Variants in ADK observed in about 807,000 individuals in gnomAD.
The protein encoded by ADK is adenosine kinase.
A neutral mutation model predicts 44.7 loss-of-function variants in ADK; 24 were observed. That is an observed-to-expected ratio of 0.54 (90% CI 0.39 to 0.76). The LOEUF is 0.76. Ranked by LOEUF, ADK falls within the 30% of genes least tolerant of loss-of-function variation. The pLI is 0.00. For missense variants in ADK, 321 were observed against 425.1 expected (o/e 0.76, Z 2.15); for synonymous variants, 128 against 142.6 (o/e 0.90, Z 0.73).
intron 7 of ADK, among the ~76,000 whole-genome samples, chr10:74,556,151 C>T (rs917827211): frequency 3.3e-5 from 5 of 152,088 alleles, no homozygotes; most frequent in Non-Finnish European, 4.4e-5. Flanking sequence ...ATTGCAGCTC[C>T]GGGGCAGCAA....
At chr10:74,303,142 A>G (rs1840116635) in intron 3 of ADK, among the ~76,000 whole-genome samples, 1 of 152,258 alleles carries the variant, frequency 6.6e-6, no homozygotes, top group Non-Finnish European at 1.5e-5. Context: ...TTCAGAAGAT[A>G]TGAAACACAA....
At chr10:74,184,634 C>T (rs1842682934) in intron 1 of ADK, among the ~76,000 whole-genome samples, 1 of 151,956 alleles carries the variant, frequency 6.6e-6, no homozygotes, top group Non-Finnish European at 1.5e-5. Flanking sequence ...GTGATCCTCC[C>T]GCCTCAGCCA....
At chr10:74,681,745 G>A (rs2134235214) in intron 10 of ADK, among the ~76,000 whole-genome samples, 1 of 151,652 alleles carries the variant, frequency 6.6e-6, no homozygotes, top group Admixed American at 6.6e-5. Context: ...AGCTACTTGA[G>A]AGGCTGAGGC....
At chr10:74,274,730 G>GTATATATATATATATATATATATATA (rs1200421234) in intron 3 of ADK, among the ~76,000 whole-genome samples, 3 of 40,558 alleles carry the variant, frequency 7.4e-5, no homozygotes, top group Admixed American at 4.7e-4. Context: ...ATTTTAATGT[G>GTATATATATATATATATATATATATA]TGTATATATA....
In ADK at chr10:74,233,920, G is replaced by A. The variant is rs142784761; in HGVS notation, c.194+9329G>A. Among the ~76,000 whole-genome samples the A allele has an allele frequency of 5.1e-3, 774 of 152,296 alleles. 9 individuals carry two copies. Among genetic ancestry groups the A allele is most frequent in the African/African-American group, 0.018 (745 of 41,572 alleles). ...TTCAGAGCACTTTAGTCAAAGTGTAGTTCATTGATCCTTAACTGCAATTTA... is the reference window on the plus strand; with the variant it reads ...TTCAGAGCACTTTAGTCAAAGTGTAATTCATTGATCCTTAACTGCAATTTA... On this transcript the variant is annotated intron_variant, in intron 3 of 10. Transcript: ENST00000539909.
intron 6 of ADK, among the ~76,000 whole-genome samples, chr10:74,524,789 T>G (rs947717859): frequency 9.2e-5 from 14 of 152,184 alleles, no homozygotes; most frequent in Admixed American, 1.3e-4. Context: ...TCCCAGCTAC[T>G]TGGAGGGCTG....
At chr10:74,661,639 T>G (rs1238810634) in intron 9 of ADK, among the ~76,000 whole-genome samples, 1 of 152,240 alleles carries the variant, frequency 6.6e-6, no homozygotes, top group Non-Finnish European at 1.5e-5. Context: ...TTACTTGATA[T>G]ATAAACTTTC....
At chr10:74,406,526 T>TAATAAG (rs1178601985) in intron 6 of ADK, among the ~76,000 whole-genome samples, 13 of 136,126 alleles carry the variant, frequency 9.5e-5, no homozygotes, top group Non-Finnish European at 1.7e-4. Context: ...ATAATAATAA[T>TAATAAG]AAGAAGAAGA....
At chr10:74,334,364 A>G (rs1841338031) in intron 4 of ADK, among the ~76,000 whole-genome samples, 1 of 152,200 alleles carries the variant, frequency 6.6e-6, no homozygotes, top group Non-Finnish European at 1.5e-5. Flanking sequence ...ACTGCTTGCT[A>G]TAAAATTGGT....
chr10:74,546,535 A>T (rs553992480), intron 7 of ADK, among the ~76,000 whole-genome samples: 1 of 152,196 alleles, frequency 6.6e-6, no homozygotes, highest in African/African-American at 2.4e-5. Context: ...TTATTTCTGT[A>T]TATAATAGGT....
intron 1 of ADK, among the ~76,000 whole-genome samples, chr10:74,186,224 TCCC>T (rs1229012949): frequency 2.4e-5 from 1 of 42,278 alleles, no homozygotes; most frequent in Non-Finnish European, 8.5e-5. Context: ...TCCTTTCCCT[TCCC>T]CTCCTTTCCC....
intron 8 of ADK, among the ~76,000 whole-genome samples, chr10:74,593,726 AT>A (rs982931660): frequency 2.0e-5 from 3 of 152,198 alleles, no homozygotes; most frequent in Admixed American, 6.5e-5. Flanking sequence ...AGATGACTCA[AT>A]GTGTGGAAAC....
chr10:74,376,775 G>A (rs1397941572), intron 4 of ADK, among the ~76,000 whole-genome samples: 3 of 98,076 alleles, frequency 3.1e-5, no homozygotes, highest in African/African-American at 6.8e-5. Flanking sequence ...TCTCTCTCTC[G>A]TCTTTTTTTT....
chr10:74,183,257 C>G (rs1019586365), intron 1 of ADK, among the ~76,000 whole-genome samples: 1 of 152,118 alleles, frequency 6.6e-6, no homozygotes, highest in South Asian at 2.1e-4. Flanking sequence ...CAGCCACATC[C>G]TTGGTTTTAA....
intron 1 of ADK, among the ~76,000 whole-genome samples, chr10:74,184,551 G>A (rs1334485596): frequency 6.7e-6 from 1 of 150,060 alleles, no homozygotes; most frequent in African/African-American, 2.5e-5. Context: ...GTGTCAGGGG[G>A]GTGGGTAAAG....
intron 9 of ADK, among the ~76,000 whole-genome samples, chr10:74,636,575 C>T (rs895225194): frequency 6.6e-6 from 1 of 152,166 alleles, no homozygotes; most frequent in African/African-American, 2.4e-5. Flanking sequence ...AGATTGAGAG[C>T]CTACTATGTT....
chr10:74,559,907 T>TA (rs1257842156), intron 7 of ADK, among the ~76,000 whole-genome samples: 2 of 152,046 alleles, frequency 1.3e-5, no homozygotes, highest in Non-Finnish European at 2.9e-5. Context: ...TCCTTACTTG[T>TA]AAATACTTCT....
At chr10:74,227,496 G>A (rs756288498) in intron 3 of ADK, among the ~76,000 whole-genome samples, 1 of 152,110 alleles carries the variant, frequency 6.6e-6, no homozygotes, top group Non-Finnish European at 1.5e-5. Flanking sequence ...GATTGCTTGA[G>A]GCCAGCAGTA....
chr10:74,385,479 A>C (rs1229841171), intron 4 of ADK, among the ~76,000 whole-genome samples: 1 of 152,336 alleles, frequency 6.6e-6, no homozygotes, highest in East Asian at 1.9e-4. Flanking sequence ...GGCCTGAGAA[A>C]TGCTAAGGAA....
Sources: allele counts gnomAD v4.1 joint callset (sites outside exome capture counted in the v4.1 genomes callset), GRCh38; gene constraint gnomAD v4.1.1; transcripts MANE v1.5; gene names NCBI Gene and HGNC (gene_info 2026-07-23, HGNC 2026-07-21).